Variants in OR5AS1 observed in about 807,000 individuals in gnomAD.
The protein encoded by OR5AS1 is olfactory receptor 5AS1.
For missense variants in OR5AS1, 492 were observed against 378.2 expected, an observed-to-expected ratio of 1.30 and a Z score of -2.50; for synonymous variants, 196 against 141.7, an observed-to-expected ratio of 1.38 and a Z score of -2.72.
intron 1 of OR5AS1, among the ~76,000 whole-genome samples, chr11:56,027,986 C>A (rs1326478547): frequency 1.3e-5 from 2 of 151,918 alleles, no homozygotes; most frequent in African/African-American, 4.8e-5. Flanking sequence ...GCTGACTATG[C>A]CTATTAAGAA....
intron 1 of OR5AS1, among the ~76,000 whole-genome samples, chr11:56,029,355 G>C (rs571105338): frequency 3.7e-4 from 57 of 152,052 alleles, no homozygotes; most frequent in African/African-American, 1.4e-3. Context: ...TACAGAACCA[G>C]TTTAGAAGTC....
Position 56,034,074 on chromosome 11 carries a change from G to A in OR5AS1, c.*2681G>A, listed in dbSNP as rs577036205. ...GAATAGCATCAATATCAACAAAAAG[G>A]ACGTCCACTCAGAAACTCCACCACC... On this transcript the variant is annotated 3_prime_UTR_variant, in exon 2 of 2. Coordinates refer to ENST00000641320, the MANE Select transcript of OR5AS1 (RefSeq NM_001001921.2). 3.9e-5 allele frequency: 6 copies of A among 152,232 alleles called. No individual in the cohort carries two copies. The highest frequency in any genetic ancestry group is 2.6e-4 in the Admixed American group (4 of 15,282). 9.4% of individuals were successfully genotyped at this position (152,232 alleles called of 1,614,324 possible).
Position 56,036,416 on chromosome 11 carries a change from T to A in OR5AS1, c.*5023T>A, listed in dbSNP as rs1325060979. ...TAATAAAGAAGAAAAGAGAGAAGAATCAAATAGACACAATAAAAAATTATA... is the reference window on the plus strand; with the variant it reads ...TAATAAAGAAGAAAAGAGAGAAGAAACAAATAGACACAATAAAAAATTATA... On this transcript the variant is annotated 3_prime_UTR_variant, in exon 2 of 2. Transcript: ENST00000641320. 2 of 151,452 alleles carry A rather than the reference T, an allele frequency of 1.3e-5. No individual in the cohort carries two copies. Among genetic ancestry groups the A allele is most frequent in the African/African-American group, 2.4e-5 (1 of 41,092 alleles). 9.4% of individuals were successfully genotyped at this position (151,452 alleles called of 1,614,324 possible).
At position 56,030,816 on chromosome 11, in the gene OR5AS1, C is replaced by G; in HGVS notation, c.398C>G (p.Thr133Ser). 2 of 1,613,972 alleles carry G rather than the reference C, an allele frequency of 1.2e-6. No homozygotes were observed. The highest frequency in any genetic ancestry group is 1.7e-6 in the Non-Finnish European group (2 of 1,179,880). The part of the protein sequence containing the change: ...YAAICNPLLY[T>S]TLMSRRVCVC... ...GCCATCTGCAACCCACTGCTCTATA[C>G]TACACTGATGTCTAGGAGAGTCTGT... Residue 133 changes from threonine (T) to serine (S), a missense_variant, in exon 2 of 2, where the codon ACT becomes AGT. Physicochemically the swap from Thr to Ser is moderately conservative, Grantham distance 58 (BLOSUM62 1). Coordinates refer to ENST00000641320, the MANE Select transcript of OR5AS1 (RefSeq NM_001001921.2).
chr11:56,033,101 C>G lies in OR5AS1; in HGVS notation c.*1708C>G, dbSNP rs1299630059. 3 of 152,408 alleles carry G rather than the reference C, an allele frequency of 2.0e-5. No homozygotes were observed. The highest frequency in any genetic ancestry group is 1.3e-4 in the Admixed American group (2 of 15,268). The allele number at this position is 152,408 out of a possible 1,614,324, so 9.4% of individuals were successfully genotyped here. A position where few individuals can be genotyped will look rare whatever the true frequency, so the allele number is the denominator to read the frequency against. On this transcript the variant is annotated 3_prime_UTR_variant, in exon 2 of 2. Transcript: ENST00000641320. Reference sequence around the variant, plus strand: ...GAACGGGTGCACTCTGGCCCAGATACTATGCTTTTCCCATCGTCTTCACAA... The same window carrying G: ...GAACGGGTGCACTCTGGCCCAGATAGTATGCTTTTCCCATCGTCTTCACAA...
intron 1 of OR5AS1, among the ~76,000 whole-genome samples, chr11:56,030,157 A>G (rs990930565): frequency 2.0e-5 from 3 of 152,122 alleles, no homozygotes; most frequent in Admixed American, 6.6e-5. Context: ...CAGCGCGTTT[A>G]AAGAGGTACT....
rs889132811 is a variant in OR5AS1, at chr11:56,035,041, A to G, written c.*3648A>G. The G allele has an allele frequency of 5.9e-5, 9 of 152,204 alleles. No homozygotes were observed. The highest frequency in any genetic ancestry group is 2.2e-4 in the African/African-American group (9 of 41,416). 9.4% of individuals were successfully genotyped at this position (152,204 alleles called of 1,614,324 possible). ...AACTAAGCTTCATGAGTGGAGGGAA[A>G]TAAAATCCTTTACAGAAAAGCAAAT... On this transcript the variant is annotated 3_prime_UTR_variant, in exon 2 of 2. Transcript: ENST00000641320.
At chr11:56,029,306 CTTGA>C (rs1434130642) in intron 1 of OR5AS1, among the ~76,000 whole-genome samples, 4 of 151,946 alleles carry the variant, frequency 2.6e-5, no homozygotes, top group South Asian at 4.1e-4. Context: ...TTTTCTTGTT[CTTGA>C]TTATTTTTTC....
At position 56,032,605 on chromosome 11, in the gene OR5AS1, AT is replaced by A. The variant is rs1164167621; in HGVS notation, c.*1213del. 6.6e-6 allele frequency: 1 copy of A among 152,162 alleles called. No individual in the cohort carries two copies. Among genetic ancestry groups the A allele is most frequent in the African/African-American group, 2.4e-5 (1 of 41,390 alleles). The allele number at this position is 152,162 out of a possible 1,614,324, so 9.4% of individuals were successfully genotyped here. A position where few individuals can be genotyped will look rare whatever the true frequency, so the allele number is the denominator to read the frequency against. ...TAACCTTGGACATGGAGACAATAAG[AT>A]AGCACCTAATGAAATGGATTGTTTT... On this transcript the variant is annotated 3_prime_UTR_variant, in exon 2 of 2. Transcript: ENST00000641320.
rs1269683888 is a variant in OR5AS1, at chr11:56,035,726, C to G, written c.*4333C>G. On this transcript the variant is annotated 3_prime_UTR_variant, in exon 2 of 2. Coordinates refer to ENST00000641320, the MANE Select transcript of OR5AS1 (RefSeq NM_001001921.2). The stretch of plus-strand genomic sequence containing the variant: ...CACCCCACAGTCAACATTAGACAGA[C>G]CAAGACAGAAAATTAACAAGGATAT... The G allele has an allele frequency of 6.6e-6, 1 of 151,354 alleles. No homozygotes were observed. The highest frequency in any genetic ancestry group is 1.9e-4 in the East Asian group (1 of 5,138). The allele number at this position is 151,354 out of a possible 1,614,324, so 9.4% of individuals were successfully genotyped here.
At position 56,031,208 on chromosome 11, in the gene OR5AS1, A is replaced by C. The variant is rs1270141416; in HGVS notation, c.790A>C (p.Thr264Pro). Residue 264 changes from threonine to proline, a missense_variant, in exon 2 of 2, where the codon ACT (threonine) becomes CCT (proline). Thr to Pro is a conservative substitution (Grantham distance 38). Transcript: ENST00000641320. ...CCTGTTTATGTACTTACAGCCCACC[A>C]CTAGCTATTCCCTAGACACTGATAA... ...ALLFMYLQPT[T>P]SYSLDTDKVV... 6.2e-7 allele frequency: 1 copy of C among 1,613,692 alleles called. No homozygotes were observed. Among genetic ancestry groups the C allele is most frequent in the East Asian group, 2.2e-5 (1 of 44,858 alleles).
In OR5AS1 at chr11:56,030,708, G is replaced by C. The variant is rs142490359; in HGVS notation, c.290G>C (p.Cys97Ser). 5.2e-5 allele frequency: 84 copies of C among 1,609,670 alleles called. No homozygotes were observed. In the African/African-American group the frequency reaches 1.0e-3, roughly 20 times the overall value. Residue 97 changes from cysteine to serine, a missense_variant, in exon 2 of 2, where the codon TGT (cysteine) becomes TCT (serine). Coordinates refer to ENST00000641320, the MANE Select transcript of OR5AS1 (RefSeq NM_001001921.2). ...ASRKSISPYG[C>S]ALQMFFFASF... ...AGGAAAAGCATCTCTCCTTATGGGT[G>C]TGCACTACAAATGTTTTTCTTCGCT...
chr11:56,030,059 G>A (rs921916844), intron 1 of OR5AS1, among the ~76,000 whole-genome samples: 1 of 151,992 alleles, frequency 6.6e-6, no homozygotes, highest in African/African-American at 2.4e-5. Flanking sequence ...TAAAGATTTT[G>A]CCAACTCTCA....
chr11:56,031,042 C>T lies in OR5AS1; in HGVS notation c.624C>T (p.Thr208=), dbSNP rs767535237. 4 of 1,614,012 alleles carry T rather than the reference C, an allele frequency of 2.5e-6. No homozygotes were observed. Among genetic ancestry groups the T allele is most frequent in the South Asian group, 2.2e-5 (2 of 91,088 alleles). ...TTGCTTTGTGCAGCTTCATCCAGAC[C>T]AGCACTTTTGTGGTAATATTTATTT... ...LLFALCSFIQ[T]STFVVIFISY... The change falls in exon 2 of 2, where the codon ACC becomes ACT. Residue 208 remains threonine, a synonymous_variant. Coordinates refer to ENST00000641320, the MANE Select transcript of OR5AS1 (RefSeq NM_001001921.2).
chr11:56,029,824 C>G (rs932061612), intron 1 of OR5AS1, among the ~76,000 whole-genome samples: 4 of 151,898 alleles, frequency 2.6e-5, no homozygotes, highest in African/African-American at 9.7e-5. Context: ...AATAACTATA[C>G]CAAAGTCACA....
chr11:56,030,357 C>T (rs911928155), intron 1 of OR5AS1, 34 bp from the exon 2 acceptor site: 10 of 1,100,930 alleles, frequency 9.1e-6, no homozygotes, highest in Admixed American at 2.8e-5. Flanking sequence ...TCATCCATAA[C>T]TCAAGTTAAC....
At position 56,034,777 on chromosome 11, in the gene OR5AS1, C is replaced by T. The variant is rs574957975; in HGVS notation, c.*3384C>T. 2.0e-5 allele frequency: 3 copies of T among 152,020 alleles called. No individual in the cohort carries two copies. Among genetic ancestry groups the T allele is most frequent in the Non-Finnish European group, 4.4e-5 (3 of 68,032 alleles). The allele number at this position is 152,020 out of a possible 1,614,324, so 9.4% of individuals were successfully genotyped here. A position where few individuals can be genotyped will look rare whatever the true frequency, so the allele number is the denominator to read the frequency against. On this transcript the variant is annotated 3_prime_UTR_variant, in exon 2 of 2. Transcript: ENST00000641320. ...ATACATGTAACACCACAAAGATACACCTCAAGAAGAGCAACCCCCAGACAC... is the reference window on the plus strand; with the variant it reads ...ATACATGTAACACCACAAAGATACATCTCAAGAAGAGCAACCCCCAGACAC...
rs1239250260 is a variant in OR5AS1 at position 56,030,461 on chromosome 11, G to T, written c.43G>T (p.Val15Phe). The T allele has an allele frequency of 6.7e-6, 10 of 1,497,536 alleles. No homozygotes were observed. Among genetic ancestry groups the T allele is most frequent in the East Asian group, 2.3e-5 (1 of 43,930 alleles). The allele number at this position is 1,497,536 out of a possible 1,614,324, so 92.8% of individuals were successfully genotyped here. A position where few individuals can be genotyped will look rare whatever the true frequency, so the allele number is the denominator to read the frequency against. ...NYTMPTEFLF[V>F]GFTDYLPLRV... ...CACCATGCCAACTGAGTTCCTATTTGTTGGATTCACAGATTATCTACCTCT... is the reference window on the plus strand; with the variant it reads ...CACCATGCCAACTGAGTTCCTATTTTTTGGATTCACAGATTATCTACCTCT... The change falls in exon 2 of 2, where the codon GTT becomes TTT. Residue 15 changes from valine to phenylalanine, a missense_variant. Physicochemically the swap from Val to Phe is conservative, Grantham distance 50. Coordinates refer to ENST00000641320, the MANE Select transcript of OR5AS1 (RefSeq NM_001001921.2).
Position 56,036,841 on chromosome 11 carries a change from C to G in OR5AS1, c.*5448C>G, listed in dbSNP as rs1853410647. ...AAAAAAGAACATGCCAGGCCAATAT[C>G]CCTGATGAACATGATGCAAAAATCC... On this transcript the variant is annotated 3_prime_UTR_variant, in exon 2 of 2. Transcript: ENST00000641320. The G allele has an allele frequency of 6.6e-6, 1 of 152,064 alleles. No homozygotes were observed. The highest frequency in any genetic ancestry group is 1.5e-5 in the Non-Finnish European group (1 of 68,020). 9.4% of individuals were successfully genotyped at this position (152,064 alleles called of 1,614,324 possible). A position where few individuals can be genotyped will look rare whatever the true frequency, so the allele number is the denominator to read the frequency against.
Sources: gnomAD v4.1 joint callset for allele counts (sites outside exome capture counted in the v4.1 genomes callset) on GRCh38, gnomAD v4.1.1 for gene constraint, MANE v1.5 for transcripts, NCBI Gene and HGNC (gene_info 2026-07-23, HGNC 2026-07-21) for gene names.